IREB2: variants seen among roughly 807,000 people sequenced by gnomAD.
The protein encoded by IREB2 is iron-responsive element-binding protein 2.
In IREB2, 39 loss-of-function variants were observed where a neutral mutation model predicts 118.8. That is an observed-to-expected ratio of 0.33 (90% confidence interval 0.25 to 0.43). The LOEUF is 0.43. IREB2 is among the 20% of genes least tolerant of loss of function. The pLI is 1.00. For missense variants in IREB2, 900 were observed against 1,147.3 expected (o/e 0.78, Z 3.11); for synonymous variants, 372 against 392.2 (o/e 0.95, Z 0.61).
chr15:78,438,181 C>A (rs1386564437), upstream of IREB2: 7 of 618,572 alleles, frequency 1.1e-5, no homozygotes, highest in Non-Finnish European at 1.2e-5. Flanking sequence ...AGCGCAGACC[C>A]GGGGCTGGCT....
At chr15:78,490,861 T>C (rs892701810) in intron 18 of IREB2, 100 bp downstream of exon 18, 1 of 1,125,640 alleles carries the variant, frequency 8.9e-7, no homozygotes, top group Non-Finnish European at 1.3e-6. Context: ...AAATACATGC[T>C]ATCGTAGGTA....
intron 2 of IREB2, among the ~76,000 whole-genome samples, chr15:78,458,810 G>GT (rs1448105221): frequency 2.6e-5 from 4 of 152,104 alleles, no homozygotes; most frequent in Non-Finnish European, 5.9e-5. Context: ...AAATATATTC[G>GT]TTTTGTTGTT....
chr15:78,463,312 A>G (rs894033710), intron 3 of IREB2, among the ~76,000 whole-genome samples: 3 of 152,120 alleles, frequency 2.0e-5, no homozygotes, highest in Non-Finnish European at 4.4e-5. Flanking sequence ...GTAATGGTGC[A>G]TGCCTGTAGT....
chr15:78,457,207 A>G (rs966975689), intron 2 of IREB2, among the ~76,000 whole-genome samples: 1 of 152,154 alleles, frequency 6.6e-6, no homozygotes, highest in African/African-American at 2.4e-5. Context: ...TCCTCCTGGT[A>G]TAATCATGTA....
chr15:78,461,899 C>A (rs1043314928), intron 2 of IREB2, among the ~76,000 whole-genome samples: 1 of 152,058 alleles, frequency 6.6e-6, no homozygotes, highest in African/African-American at 2.4e-5. Context: ...TTTGTGATAC[C>A]TTTTTGTACC....
chr15:78,442,523 T>C (rs897153506), intron 2 of IREB2, among the ~76,000 whole-genome samples: 1 of 152,202 alleles, frequency 6.6e-6, no homozygotes, highest in African/African-American at 2.4e-5. Flanking sequence ...TAACGATTAA[T>C]GAAGGGAATG....
Position 78,494,501 on chromosome 15 carries a change from A to G in IREB2, c.2595+237A>G, listed in dbSNP as rs12593550. Among the ~76,000 whole-genome samples, 525 of 152,312 alleles carry G rather than the reference A, an allele frequency of 3.4e-3. 20 individuals carry two copies. The East Asian group carries it at 0.088, about 26-fold the overall frequency. On this transcript the variant is annotated intron_variant, in intron 20 of 21. Transcript: ENST00000258886. Reference sequence around the variant, plus strand: ...AAACCTACATCAGTCTTATGTGAAGAAGTCAGTATAATAGAGGGAAAGGAA... The same window carrying G: ...AAACCTACATCAGTCTTATGTGAAGGAGTCAGTATAATAGAGGGAAAGGAA...
At chr15:78,447,442 T>C (rs2050949684) in intron 2 of IREB2, among the ~76,000 whole-genome samples, 1 of 151,912 alleles carries the variant, frequency 6.6e-6, no homozygotes, top group South Asian at 2.1e-4. Context: ...GCAATTCTCC[T>C]GCCTCAGCCT....
At chr15:78,478,716 A>AAAT in intron 10 of IREB2, among the ~76,000 whole-genome samples, 1 of 152,256 alleles carries the variant, frequency 6.6e-6, no homozygotes, top group East Asian at 1.9e-4. Flanking sequence ...AAAAGGAAAA[A>AAAT]AATAATAATA....
At chr15:78,457,941 G>A (rs556972192) in intron 2 of IREB2, among the ~76,000 whole-genome samples, 2 of 151,814 alleles carry the variant, frequency 1.3e-5, no homozygotes, top group Non-Finnish European at 2.9e-5. Flanking sequence ...GAATTTTTAT[G>A]TTTCTGATTG....
intron 18 of IREB2, among the ~76,000 whole-genome samples, chr15:78,492,362 C>CAAAAATTGCCAAGATTACCA (rs2051764699): frequency 6.6e-6 from 1 of 150,798 alleles, no homozygotes; most frequent in African/African-American, 2.4e-5. Flanking sequence ...ACAATTTTAC[C>CAAAAATTGCCAAGATTACCA]AAAAATTACC....
In IREB2 at chr15:78,484,901, A is replaced by G. The variant is rs1596010203; in HGVS notation, c.1554A>G (p.Pro518=). The G allele has an allele frequency of 2.5e-6, 4 of 1,613,700 alleles. No individual in the cohort carries two copies. Among genetic ancestry groups the G allele is most frequent in the Non-Finnish European group, 3.4e-6 (4 of 1,179,812 alleles). Residue 518 remains proline (P), a synonymous_variant, in exon 12 of 22, where the codon CCA becomes CCG. Coordinates refer to ENST00000258886, the MANE Select transcript of IREB2 (RefSeq NM_004136.4). ...TCAGTTGTACCAATAATTGCAATCC[A>G]TCTGTCATGCTTGCTGCAGGTGGGT... The part of the protein sequence containing the change: ...AVISCTNNCN[P]SVMLAAGLLA...
At position 78,478,407 on chromosome 15, in the gene IREB2, G is replaced by C. The variant is rs1424162239; in HGVS notation, c.1296+10G>C. 4.1e-6 allele frequency: 6 copies of C among 1,459,056 alleles called. No individual in the cohort carries two copies. Among genetic ancestry groups the C allele is most frequent in the Non-Finnish European group, 5.8e-6 (6 of 1,039,676 alleles). The allele number at this position is 1,459,056 out of a possible 1,614,324, so 90.4% of individuals were successfully genotyped here. On this transcript the variant is annotated intron_variant, in intron 10 of 21. Transcript: ENST00000258886. Reference sequence around the variant, plus strand: ...ACCTGAATACTCCCAGGTATATGCAGAATAACCCACCTCGTAGCAAAGAGT... The same window carrying C: ...ACCTGAATACTCCCAGGTATATGCACAATAACCCACCTCGTAGCAAAGAGT...
intron 9 of IREB2, among the ~76,000 whole-genome samples, chr15:78,477,076 C>A (rs947155065): frequency 2.0e-5 from 3 of 151,958 alleles, no homozygotes; most frequent in African/African-American, 7.3e-5. Flanking sequence ...AATCAGACAG[C>A]AAAATTGATG....
intron 16 of IREB2, among the ~76,000 whole-genome samples, chr15:78,489,291 G>T (rs1435260225): frequency 1.3e-5 from 2 of 151,584 alleles, no homozygotes; most frequent in Admixed American, 1.3e-4. Flanking sequence ...TGGATGATCT[G>T]TGCAGCAAAC....
intron 5 of IREB2, among the ~76,000 whole-genome samples, chr15:78,467,915 A>G (rs2051312165): frequency 6.6e-6 from 1 of 152,040 alleles, no homozygotes; most frequent in Non-Finnish European, 1.5e-5. Context: ...GCTGAAGTGC[A>G]GTGTCATAAG....
In IREB2 at chr15:78,483,367, A is replaced by G; in HGVS notation, c.1346A>G (p.Lys449Arg). 4 of 1,609,002 alleles carry G rather than the reference A, an allele frequency of 2.5e-6. No homozygotes were observed. The highest frequency in any genetic ancestry group is 2.2e-5 in the East Asian group (1 of 44,834). Residue 449 changes from lysine to arginine, a missense_variant, in exon 11 of 22, where the codon AAA becomes AGA. By Grantham distance (26) the Lys-to-Arg change is conservative. Transcript: ENST00000258886. ...NSIVPSVSGP[K>R]RPQDRVAVTD... ...ATAGTTCCATCTGTTAGTGGTCCAAAAAGACCTCAGGATAGAGTTGCTGTG... is the reference window on the plus strand; with the variant it reads ...ATAGTTCCATCTGTTAGTGGTCCAAGAAGACCTCAGGATAGAGTTGCTGTG...
At chr15:78,485,277 T>C (rs758349688) in intron 12 of IREB2, among the ~76,000 whole-genome samples, 18 of 152,236 alleles carry the variant, frequency 1.2e-4, no homozygotes, top group Non-Finnish European at 2.6e-4. Flanking sequence ...AAGATCATTG[T>C]CTTGGCAAGG....
chr15:78,441,270 T>C (rs951424381), intron 2 of IREB2, among the ~76,000 whole-genome samples: 5 of 152,254 alleles, frequency 3.3e-5, no homozygotes, highest in Non-Finnish European at 5.9e-5. Context: ...CAATATCCTT[T>C]ACCTTGCATG....
Sources: allele counts gnomAD v4.1 joint callset (sites outside exome capture counted in the v4.1 genomes callset), GRCh38; gene constraint gnomAD v4.1.1; transcripts MANE v1.5; gene names NCBI Gene and HGNC (gene_info 2026-07-23, HGNC 2026-07-21).